Variants in GRM7 observed in about 807,000 individuals in gnomAD.
The protein encoded by GRM7 is metabotropic glutamate receptor 7.
Under a neutral mutation model 84.5 loss-of-function variants are expected in GRM7, and 35 were observed. The ratio of observed to expected loss-of-function variants is 0.41; its 90% CI spans 0.32 to 0.55. The LOEUF is 0.55. GRM7 is among the 20% of genes least tolerant of loss of function. The pLI is 0.19. For synonymous variants in GRM7, 487 were observed against 455.1 expected (o/e 1.07, Z -0.89); for missense variants, 1,003 against 1,194.6 (o/e 0.84, Z 2.36).
chr3:7,025,673 G>A (rs920911530), intron 1 of GRM7, among the ~76,000 whole-genome samples: 9 of 152,192 alleles, frequency 5.9e-5, no homozygotes, highest in Middle Eastern at 3.4e-3. Context: ...GGTATTTTCC[G>A]TTGATAGCCT....
chr3:7,362,343 C>G (rs1693701006), intron 4 of GRM7, among the ~76,000 whole-genome samples: 1 of 148,180 alleles, frequency 6.7e-6, no homozygotes, highest in Middle Eastern at 3.4e-3. Flanking sequence ...TTAAAGAATA[C>G]ACACACACAC....
chr3:7,667,860 C>CAAAA (rs61182264), intron 8 of GRM7, among the ~76,000 whole-genome samples: 2 of 128,444 alleles, frequency 1.6e-5, no homozygotes, highest in Non-Finnish European at 3.4e-5. Context: ...AGATTTATGT[C>CAAAA]AAAAAAAAAA....
chr3:6,899,791 A>G (rs75100889), intron 1 of GRM7, among the ~76,000 whole-genome samples: 5,317 of 152,280 alleles, frequency 0.035, 146 homozygotes, highest in Non-Finnish European at 0.046. Flanking sequence ...AAAAGCCTAA[A>G]CATCAAGATG....
At chr3:7,301,338 G>A (rs1338550347) in intron 3 of GRM7, among the ~76,000 whole-genome samples, 1 of 151,928 alleles carries the variant, frequency 6.6e-6, no homozygotes, top group Non-Finnish European at 1.5e-5. Flanking sequence ...TCGTATTTTA[G>A]GTTTCTATGA....
intron 4 of GRM7, among the ~76,000 whole-genome samples, chr3:7,409,154 G>GT (rs1013739182): frequency 6.6e-6 from 1 of 152,004 alleles, no homozygotes; most frequent in African/African-American, 2.4e-5. Context: ...GCTTGCTCTC[G>GT]TTTTTTTCAC....
At chr3:6,969,138 C>T (rs1693640813) in intron 1 of GRM7, among the ~76,000 whole-genome samples, 1 of 151,748 alleles carries the variant, frequency 6.6e-6, no homozygotes, top group East Asian at 1.9e-4. Context: ...ACCAGCACAT[C>T]CTTTTTATTT....
chr3:6,864,391 T>C (rs1694871851), intron 1 of GRM7, among the ~76,000 whole-genome samples: 1 of 152,162 alleles, frequency 6.6e-6, no homozygotes, highest in African/African-American at 2.4e-5. Flanking sequence ...TCTTAGACGC[T>C]CCTGTCATGT....
At chr3:7,641,185 GA>G (rs958696867) in intron 8 of GRM7, among the ~76,000 whole-genome samples, 36 of 152,094 alleles carry the variant, frequency 2.4e-4, no homozygotes, top group Admixed American at 2.2e-3. Context: ...TCTGACTCCA[GA>G]AACCTCTAGA....
At position 7,741,498 on chromosome 3, in the gene GRM7, G is replaced by T. The variant is rs1388405167; in HGVS notation, c.*1092G>T. 3 of 152,526 alleles carry T rather than the reference G, an allele frequency of 2.0e-5. No individual in the cohort carries two copies. Among genetic ancestry groups the T allele is most frequent in the Admixed American group, 1.3e-4 (2 of 15,268 alleles). The allele number at this position is 152,526 out of a possible 1,614,324, so 9.4% of individuals were successfully genotyped here. A position where few individuals can be genotyped will look rare whatever the true frequency, so the allele number is the denominator to read the frequency against. ...CTTTCAATTCTGTGATATTGTCCAA[G>T]AATGTATCAATAAAATACTTTGGTT... On this transcript the variant is annotated 3_prime_UTR_variant, in exon 10 of 10. Transcript: ENST00000357716.
At position 7,238,996 on chromosome 3, in the gene GRM7, C is replaced by CTTTTTTTTTTTTTTTTTTTTTT. The variant is rs567509392; in HGVS notation, c.737-59688_737-59687insTTTTTTTTTTTTTTTTTTTTTT. ...TTCTTTTCCCTTTCTTTTCTTTTTT[C>CTTTTTTTTTTTTTTTTTTTTTT]CTTTTTCTTTTTTTTGACATGGTCT... On this transcript the variant is annotated intron_variant, in intron 2 of 9. Transcript: ENST00000357716. 4.2e-5 allele frequency among the ~76,000 whole-genome samples: 5 copies of CTTTTTTTTTTTTTTTTTTTTTT among 118,354 alleles called. 1 individual carries two copies. Among genetic ancestry groups the CTTTTTTTTTTTTTTTTTTTTTT allele is most frequent in the Non-Finnish European group, 3.4e-5 (2 of 58,394 alleles). 77.6% of individuals were successfully genotyped at this position (118,354 alleles called of 152,430 possible). A position where few individuals can be genotyped will look rare whatever the true frequency, so the allele number is the denominator to read the frequency against.
At chr3:7,197,233 C>G (rs1695908863) in intron 2 of GRM7, among the ~76,000 whole-genome samples, 1 of 152,142 alleles carries the variant, frequency 6.6e-6, no homozygotes, top group Non-Finnish European at 1.5e-5. Context: ...GACCGAATTC[C>G]CAACTCCAAT....
At chr3:7,302,740 A>G (rs1700045902) in intron 3 of GRM7, among the ~76,000 whole-genome samples, 1 of 152,086 alleles carries the variant, frequency 6.6e-6, no homozygotes, top group Admixed American at 6.6e-5. Context: ...AAATCAAACT[A>G]AGTATATTTG....
At chr3:7,109,730 A>G (rs1322257175) in intron 1 of GRM7, among the ~76,000 whole-genome samples, 1 of 152,174 alleles carries the variant, frequency 6.6e-6, no homozygotes, top group Non-Finnish European at 1.5e-5. Flanking sequence ...ACTTGCCAGT[A>G]AAAGAACATT....
intron 4 of GRM7, among the ~76,000 whole-genome samples, chr3:7,388,171 A>C (rs1171827512): frequency 6.6e-6 from 1 of 152,130 alleles, no homozygotes; most frequent in Non-Finnish European, 1.5e-5. Flanking sequence ...GTCATTTATC[A>C]GGTCTAAGAG....
At chr3:7,409,932 T>A (rs868352233) in intron 4 of GRM7, among the ~76,000 whole-genome samples, 43 of 152,262 alleles carry the variant, frequency 2.8e-4, no homozygotes, top group African/African-American at 8.7e-4. Context: ...TTTTCAAGGA[T>A]ATATTCTTAG....
intron 8 of GRM7, among the ~76,000 whole-genome samples, chr3:7,606,048 G>GA (rs1273560159): frequency 6.6e-6 from 1 of 152,176 alleles, no homozygotes; most frequent in African/African-American, 2.4e-5. Context: ...CCAAGACTCT[G>GA]ACAAATAGAA....
chr3:7,671,086 A>G (rs1041531402), intron 8 of GRM7, among the ~76,000 whole-genome samples: 9 of 152,208 alleles, frequency 5.9e-5, no homozygotes, highest in African/African-American at 2.2e-4. Flanking sequence ...TACATAAGAG[A>G]GTAAAATTCC....
Position 7,151,648 on chromosome 3 carries a change from CA to C in GRM7, c.736+4981del, listed in dbSNP as rs1168583637. Among the ~76,000 whole-genome samples, 1 of 152,124 alleles carries C rather than the reference CA, an allele frequency of 6.6e-6. No individual in the cohort carries two copies. The highest frequency in any genetic ancestry group is 1.9e-4 in the East Asian group (1 of 5,180). On this transcript the variant is annotated intron_variant, in intron 2 of 9. Coordinates refer to ENST00000357716, the MANE Select transcript of GRM7 (RefSeq NM_000844.4). This position sits in a 1 kb window ranked among gnomAD's most constrained non-coding sequence, Gnocchi z 4.5. ...TCCTAGTACATAGAAAGCAGTCAAT[CA>C]TTATTTCTTAACAGAAGGAAGAATT...
chr3:6,977,144 T>C (rs1450550747), intron 1 of GRM7, among the ~76,000 whole-genome samples: 1 of 152,136 alleles, frequency 6.6e-6, no homozygotes, highest in South Asian at 2.1e-4. Flanking sequence ...AAACCAAGTG[T>C]TGGCCAAATA....
Sources: gnomAD v4.1 joint callset for allele counts (sites outside exome capture counted in the v4.1 genomes callset) on GRCh38, gnomAD v4.1.1 for gene constraint, Gnocchi (gnomAD v3.1) non-coding constraint, MANE v1.5 for transcripts, NCBI Gene and HGNC (gene_info 2026-07-23, HGNC 2026-07-21) for gene names.